The following ZC3HAV1 variants were observed in gnomAD, a reference collection of about 807,000 sequenced individuals.
ZC3HAV1 encodes the protein zinc finger CCCH-type containing, antiviral 1, also known as zinc finger CCCH-type antiviral protein 1.
In ZC3HAV1, 41 loss-of-function variants were observed where a neutral mutation model predicts 86.6. The observed-to-expected ratio is 0.47, with a 90% CI of 0.37 to 0.61. ZC3HAV1 has a LOEUF of 0.61. Among genes scored for constraint, ZC3HAV1 ranks in the 20% least tolerant of loss-of-function variants. The pLI is 0.00. For synonymous variants in ZC3HAV1, 421 were observed against 432.1 expected, an observed-to-expected ratio of 0.97 and a Z score of 0.32; for missense variants, 964 against 1,141.1, an observed-to-expected ratio of 0.84 and a Z score of 2.24.
In ZC3HAV1 at chr7:139,064,878, C is replaced by A; in HGVS notation, c.1993+1G>T. 6.2e-7 allele frequency: 1 copy of A among 1,614,108 alleles called. No individual in the cohort carries two copies. The highest frequency in any genetic ancestry group is 8.5e-7 in the Non-Finnish European group (1 of 1,179,984). ...CAACACTGCCAAACACAGAAACCCACCTTGGAAACTCAGCTCATAGTTCCG... is the reference window on the plus strand; with the variant it reads ...CAACACTGCCAAACACAGAAACCCAACTTGGAAACTCAGCTCATAGTTCCG... On this transcript the variant is annotated splice_donor_variant, in intron 8 of 12. Coordinates refer to ENST00000242351, the MANE Select transcript of ZC3HAV1 (RefSeq NM_020119.4). LOFTEE classifies it high-confidence loss of function.
At chr7:139,051,246 C>T (rs1417656893) in intron 12 of ZC3HAV1, among the ~76,000 whole-genome samples, 1 of 151,568 alleles carries the variant, frequency 6.6e-6, no homozygotes, top group Non-Finnish European at 1.5e-5. Context: ...TTAGTAGAAA[C>T]GGGGTTTCAC....
At chr7:139,076,251 G>A in intron 6 of ZC3HAV1, 35 bp downstream of exon 6, 3 of 1,613,712 alleles carry the variant, frequency 1.9e-6, no homozygotes, top group East Asian at 2.2e-5. Flanking sequence ...GATAATGTTG[G>A]ACTCTTGAAA....
intron 8 of ZC3HAV1, among the ~76,000 whole-genome samples, chr7:139,062,429 C>T (rs759569239): frequency 5.3e-5 from 8 of 152,234 alleles, no homozygotes; most frequent in Non-Finnish European, 8.8e-5. Context: ...TCCTGGAGCG[C>T]CCTCCTTCCC....
At chr7:139,077,555 T>A (rs1355413623) in intron 5 of ZC3HAV1, among the ~76,000 whole-genome samples, 1 of 152,144 alleles carries the variant, frequency 6.6e-6, no homozygotes, top group Non-Finnish European at 1.5e-5. Flanking sequence ...TTTATGGATG[T>A]TTTCATGCCC....
rs898701007 is a variant in ZC3HAV1 at position 139,108,255 on chromosome 7, G to C, written c.308+769C>G. ...AGAGTCTTAACCCAAACCTTGCAGC[G>C]CATCTGCATTTAGACGAAAAAAAAA... On this transcript the variant is annotated intron_variant, in intron 1 of 12. Coordinates refer to ENST00000242351, the MANE Select transcript of ZC3HAV1 (RefSeq NM_020119.4). This position sits in a 1 kb window ranked among gnomAD's most constrained non-coding sequence, Gnocchi z 4.2. 1.3e-5 allele frequency among the ~76,000 whole-genome samples: 2 copies of C among 151,256 alleles called. No individual in the cohort carries two copies. The highest frequency in any genetic ancestry group is 4.9e-5 in the African/African-American group (2 of 41,122).
intron 2 of ZC3HAV1, among the ~76,000 whole-genome samples, chr7:139,086,156 T>C (rs1384541662): frequency 6.6e-6 from 1 of 152,162 alleles, no homozygotes; most frequent in Non-Finnish European, 1.5e-5. Flanking sequence ...CAAAGCCCTA[T>C]GAAAAAATTC....
At chr7:139,083,759 T>A in intron 3 of ZC3HAV1, 21 bp downstream of exon 3, 1 of 1,558,384 alleles carries the variant, frequency 6.4e-7, no homozygotes, top group African/African-American at 1.4e-5. Context: ...TTCACACAAT[T>A]GAAAAAGAAA....
At position 139,109,453 on chromosome 7, in the gene ZC3HAV1, T is replaced by C. The variant is rs1191013593; in HGVS notation, c.-122A>G. ...GTGCTACTGCTGGGCGCGCCCGGAG[T>C]CAGCGAGGGCGCGCTCTCCGTCGCC... On this transcript the variant is annotated 5_prime_UTR_variant, in exon 1 of 13. Coordinates refer to ENST00000242351, the MANE Select transcript of ZC3HAV1 (RefSeq NM_020119.4). 4.8e-6 allele frequency: 6 copies of C among 1,256,368 alleles called. No homozygotes were observed. In the Admixed American group the frequency reaches 1.8e-4, roughly 37 times the overall value. The allele number at this position is 1,256,368 out of a possible 1,614,324, so 77.8% of individuals were successfully genotyped here. A position where few individuals can be genotyped will look rare whatever the true frequency, so the allele number is the denominator to read the frequency against.
intron 5 of ZC3HAV1, 96 bp downstream of exon 5, chr7:139,078,456 G>T (rs1013838768): frequency 5.8e-6 from 5 of 859,016 alleles, no homozygotes; most frequent in South Asian, 5.0e-5. Context: ...TTGAAAGCAG[G>T]GTTTTCAGAA....
chr7:139,054,588 T>C (rs770622545), intron 10 of ZC3HAV1, among the ~76,000 whole-genome samples: 3 of 152,184 alleles, frequency 2.0e-5, no homozygotes, highest in Admixed American at 2.0e-4. Flanking sequence ...TGAGTTCTAG[T>C]TTTCTTGTCC....
chr7:139,088,804 C>T (rs1248246960), intron 2 of ZC3HAV1, among the ~76,000 whole-genome samples: 1 of 152,140 alleles, frequency 6.6e-6, no homozygotes, highest in East Asian at 1.9e-4. Context: ...TCCAACAAAA[C>T]TTTGTTTATA....
At chr7:139,087,889 A>G (rs1817316342) in intron 2 of ZC3HAV1, among the ~76,000 whole-genome samples, 1 of 151,884 alleles carries the variant, frequency 6.6e-6, no homozygotes, top group South Asian at 2.1e-4. Context: ...AAAGTTAGCC[A>G]GCTATGGTGG....
At position 139,073,956 on chromosome 7, in the gene ZC3HAV1, G is replaced by A; in HGVS notation, c.1772C>T (p.Thr591Ile). The change falls in exon 7 of 13, where the codon ACT becomes ATT. Residue 591 changes from threonine to isoleucine, a missense_variant. By Grantham distance (89) the Thr-to-Ile change is moderately conservative. Transcript: ENST00000242351. ...CDSFPIRRLS[T>I]PSSVTKPANS... ...GGCTGGCTTGGTGACAGAAGAAGGA[G>A]TGGAGAGGCGTCGGATGGGAAAGGA... is the stretch of plus-strand genomic sequence containing the variant. 1 of 1,614,064 alleles carries A rather than the reference G, an allele frequency of 6.2e-7. No individual in the cohort carries two copies. The highest frequency in any genetic ancestry group is 8.5e-7 in the Non-Finnish European group (1 of 1,179,928).
chr7:139,091,476 A>G (rs112273128), intron 1 of ZC3HAV1, among the ~76,000 whole-genome samples: 1 of 152,042 alleles, frequency 6.6e-6, no homozygotes, highest in Non-Finnish European at 1.5e-5. Flanking sequence ...TCAAAAAAAT[A>G]AAAAAAGAAA....
chr7:139,104,695 C>G (rs569435304), intron 1 of ZC3HAV1, among the ~76,000 whole-genome samples: 2 of 121,522 alleles, frequency 1.6e-5, no homozygotes, highest in East Asian at 5.2e-4. Flanking sequence ...TGCACTCCAG[C>G]CTGGCAACAG....
intron 1 of ZC3HAV1, among the ~76,000 whole-genome samples, chr7:139,101,717 T>C (rs1817778588): frequency 6.6e-6 from 1 of 151,356 alleles, no homozygotes; most frequent in Non-Finnish European, 1.5e-5. Flanking sequence ...CCCCCAACCC[T>C]GTGCTCTCTG....
At position 139,047,580 on chromosome 7, in the gene ZC3HAV1, T is replaced by C. The variant is rs374308420; in HGVS notation, c.*14A>G. The C allele has an allele frequency of 1.2e-6, 2 of 1,613,712 alleles. No individual in the cohort carries two copies. Among genetic ancestry groups the C allele is most frequent in the Admixed American group, 1.7e-5 (1 of 59,878 alleles). The stretch of plus-strand genomic sequence containing the variant: ...AATGGTTATGGCATCCTTCTGACGC[T>C]GTATTCATCGGTTCTAACTAATCAC... On this transcript the variant is annotated 3_prime_UTR_variant, in exon 13 of 13. Transcript: ENST00000242351.
intron 1 of ZC3HAV1, among the ~76,000 whole-genome samples, chr7:139,094,553 T>C (rs1817527295): frequency 6.6e-6 from 1 of 150,850 alleles, no homozygotes; most frequent in African/African-American, 2.4e-5. Flanking sequence ...ATTGTCTCTC[T>C]TTAAGGAGCT....
Position 139,109,120 on chromosome 7 carries a change from C to T in ZC3HAV1, c.212G>A (p.Arg71Gln). 6.3e-7 allele frequency: 1 copy of T among 1,591,852 alleles called. No individual in the cohort carries two copies. Among genetic ancestry groups the T allele is most frequent in the Non-Finnish European group, 8.6e-7 (1 of 1,169,088 alleles). The change falls in exon 1 of 13, where the codon CGG becomes CAG. Residue 71 changes from arginine (R) to glutamine (Q), a missense_variant. Coordinates refer to ENST00000242351, the MANE Select transcript of ZC3HAV1 (RefSeq NM_020119.4). The stretch of plus-strand genomic sequence containing the variant: ...CTGGCAGTACTTGCGACGGCAGACC[C>T]GGGCTCGAGTGGTGGCCACCACCGA... ...TRSVVATTRARVCRRKYCQRP... is the reference protein window; with the variant it reads ...TRSVVATTRAQVCRRKYCQRP...
Sources: gnomAD v4.1 joint callset for allele counts (sites outside exome capture counted in the v4.1 genomes callset) on GRCh38, gnomAD v4.1.1 for gene constraint, Gnocchi (gnomAD v3.1) non-coding constraint, MANE v1.5 for transcripts, NCBI Gene and HGNC (gene_info 2026-07-23, HGNC 2026-07-21) for gene names.